The following SEMA3D variants were observed in gnomAD, a reference collection of about 807,000 sequenced individuals.
SEMA3D encodes the protein semaphorin 3D.
Under a neutral mutation model 100.1 loss-of-function variants are expected in SEMA3D, and 84 were observed. The observed-to-expected ratio is 0.84, with a 90% CI of 0.70 to 1.01. The LOEUF is 1.01. Among genes scored for constraint, SEMA3D ranks in the 50% least tolerant of loss-of-function variants. The probability of loss-of-function intolerance (pLI) is 0.00; values close to 1 mark genes in which losing one functional copy is unlikely to be tolerated. For missense variants in SEMA3D, 875 were observed against 934.1 expected (o/e 0.94, Z 0.82); for synonymous variants, 312 against 320.7 (o/e 0.97, Z 0.29).
At chr7:85,004,089 A>G (rs780336075) in intron 18 of SEMA3D, among the ~76,000 whole-genome samples, 4 of 152,080 alleles carry the variant, frequency 2.6e-5, no homozygotes, top group Admixed American at 1.3e-4. Context: ...GAACACCTGG[A>G]ATACCTATGG....
At chr7:85,119,312 T>C (rs1345594903) in intron 3 of SEMA3D, among the ~76,000 whole-genome samples, 4 of 152,138 alleles carry the variant, frequency 2.6e-5, no homozygotes. Context: ...GACACATGCA[T>C]TTGTATGTTC....
At chr7:85,162,960 C>A in intron 1 of SEMA3D, 1 of 543,306 alleles carries the variant, frequency 1.8e-6, no homozygotes, top group Non-Finnish European at 2.3e-6. Flanking sequence ...GACTGAATGT[C>A]ATAAGGCAGA....
At chr7:85,196,726 G>A in the SEMA3D span, among the ~76,000 whole-genome samples, 14 of 152,190 alleles carry the variant, frequency 9.2e-5, no homozygotes, top group African/African-American at 3.4e-4. Context: ...TTTATAAAAG[G>A]ATATTCAAAA....
At chr7:85,200,084 T>C in the SEMA3D span, among the ~76,000 whole-genome samples, 7 of 152,208 alleles carry the variant, frequency 4.6e-5, no homozygotes, top group East Asian at 3.8e-4. Context: ...CCTGTTTCTT[T>C]TGTAAATTGC....
Position 85,033,858 on chromosome 7 carries a change from T to TACACACACACACACACACAC in SEMA3D, c.1191+3011_1191+3030dup, listed in dbSNP as rs71082183. ...GTTTTCCCAATTTTAATCACACACATACACACACACACACACACACACACA... is the reference window on the plus strand; with the variant it reads ...GTTTTCCCAATTTTAATCACACACATACACACACACACACACACACACACACACACACACACACACACACA... On this transcript the variant is annotated intron_variant, in intron 12 of 18. Transcript: ENST00000284136. Among the ~76,000 whole-genome samples, 84 of 141,180 alleles carry TACACACACACACACACACAC rather than the reference T, an allele frequency of 5.9e-4. 1 individual carries two copies. Among genetic ancestry groups the TACACACACACACACACACAC allele is most frequent in the African/African-American group, 2.1e-3 (81 of 38,482 alleles). 92.6% of individuals were successfully genotyped at this position (141,180 alleles called of 152,430 possible). A position where few individuals can be genotyped will look rare whatever the true frequency, so the allele number is the denominator to read the frequency against.
intron 3 of SEMA3D, among the ~76,000 whole-genome samples, chr7:85,108,547 G>A (rs1788998897): frequency 6.6e-6 from 1 of 152,008 alleles, no homozygotes; most frequent in Non-Finnish European, 1.5e-5. Context: ...GAGTATGTCT[G>A]AGATTCTGCA....
the SEMA3D span, among the ~76,000 whole-genome samples, chr7:85,199,005 G>T: frequency 6.6e-6 from 1 of 150,854 alleles, no homozygotes; most frequent in Admixed American, 6.6e-5. Flanking sequence ...GTTAACATTA[G>T]TTTTCAGATT....
chr7:85,037,706 T>A lies in SEMA3D; in HGVS notation c.1047-673A>T, dbSNP rs1790740369. Reference sequence around the variant, plus strand: ...TAGCTCATCTGATACTTAATTATAATTACACAGGATTAGAGAAAGTATTAA... The same window carrying A: ...TAGCTCATCTGATACTTAATTATAAATACACAGGATTAGAGAAAGTATTAA... On this transcript the variant is annotated intron_variant, in intron 11 of 18. Coordinates refer to ENST00000284136, the MANE Select transcript of SEMA3D (RefSeq NM_001384900.1). 2.0e-5 allele frequency among the ~76,000 whole-genome samples: 3 copies of A among 152,142 alleles called. No individual in the cohort carries two copies. The South Asian group carries it at 6.2e-4, about 32-fold the overall frequency.
chr7:85,123,810 T>C (rs866958325), intron 2 of SEMA3D, among the ~76,000 whole-genome samples: 1 of 152,082 alleles, frequency 6.6e-6, no homozygotes, highest in Non-Finnish European at 1.5e-5. Flanking sequence ...TACATATGCA[T>C]ATAAGTTGGT....
chr7:85,090,590 G>A (rs1369954507), intron 4 of SEMA3D, among the ~76,000 whole-genome samples: 2 of 152,130 alleles, frequency 1.3e-5, no homozygotes, highest in Non-Finnish European at 2.9e-5. Context: ...GATTTTAAGT[G>A]AGAAGGTTAT....
chr7:85,050,119 AC>A (rs1791123013), intron 9 of SEMA3D, among the ~76,000 whole-genome samples: 1 of 150,076 alleles, frequency 6.7e-6, no homozygotes, highest in Non-Finnish European at 1.5e-5. Context: ...ACACACACAC[AC>A]AGAGACAGAG....
chr7:85,057,993 A>G (rs531445418), intron 8 of SEMA3D, among the ~76,000 whole-genome samples: 1 of 152,294 alleles, frequency 6.6e-6, no homozygotes, highest in Admixed American at 6.5e-5. Context: ...TTCAGTCAAT[A>G]TCGTCTCAGC....
intron 15 of SEMA3D, among the ~76,000 whole-genome samples, chr7:85,017,412 T>G (rs759393260): frequency 6.6e-6 from 1 of 151,714 alleles, no homozygotes; most frequent in African/African-American, 2.4e-5. Flanking sequence ...TCCAAGCACC[T>G]TAGGCCTTCA....
At chr7:85,021,112 A>G (rs530844901) in intron 13 of SEMA3D, among the ~76,000 whole-genome samples, 2 of 151,898 alleles carry the variant, frequency 1.3e-5, no homozygotes, top group South Asian at 4.1e-4. Flanking sequence ...GGGTTGGAGT[A>G]TAGTAACGTA....
intron 2 of SEMA3D, among the ~76,000 whole-genome samples, chr7:85,122,420 C>T (rs1789454130): frequency 6.6e-6 from 1 of 152,078 alleles, no homozygotes; most frequent in African/African-American, 2.4e-5. Context: ...AATAAATGCA[C>T]CACAAGAATT....
chr7:85,219,824 T>C, the SEMA3D span, among the ~76,000 whole-genome samples: 7 of 152,206 alleles, frequency 4.6e-5, no homozygotes, highest in East Asian at 1.4e-3. Context: ...TCTCAAACTT[T>C]ATGAAAGAAA....
At chr7:85,074,351 A>C (rs1048316354) in intron 5 of SEMA3D, among the ~76,000 whole-genome samples, 4 of 152,198 alleles carry the variant, frequency 2.6e-5, no homozygotes, top group Non-Finnish European at 5.9e-5. Context: ...ACAAACAAAT[A>C]AATAAAAAAC....
intron 13 of SEMA3D, among the ~76,000 whole-genome samples, chr7:85,021,421 TC>T (rs1443148697): frequency 1.3e-5 from 2 of 151,852 alleles, no homozygotes; most frequent in Non-Finnish European, 2.9e-5. Flanking sequence ...AACAGCCATC[TC>T]TTTTGTCTTG....
In SEMA3D at chr7:85,053,813, T is replaced by A. The variant is rs10236050; in HGVS notation, c.861+1904A>T. Among the ~76,000 whole-genome samples, 1,109 of 152,126 alleles carry A rather than the reference T, an allele frequency of 7.3e-3. 15 individuals are homozygous for A. Among genetic ancestry groups the A allele is most frequent in the African/African-American group, 0.025 (1,036 of 41,532 alleles). On this transcript the variant is annotated intron_variant, in intron 9 of 18. Transcript: ENST00000284136. ...CTAATTAATGAAGAACCTCTTTTTT[T>A]AAAAAATAAATTCATCCATCATATA...
Sources: gnomAD v4.1 joint callset for allele counts (sites outside exome capture counted in the v4.1 genomes callset) on GRCh38, gnomAD v4.1.1 for gene constraint, MANE v1.5 for transcripts, NCBI Gene and HGNC (gene_info 2026-07-23, HGNC 2026-07-21) for gene names.